The following C1GALT1 variants were observed in gnomAD, a reference collection of about 807,000 sequenced individuals.
The protein encoded by C1GALT1 is glycoprotein-N-acetylgalactosamine 3-beta-galactosyltransferase 1.
Under a neutral mutation model 31.0 loss-of-function variants are expected in C1GALT1, and 11 were observed. That is an observed-to-expected ratio of 0.36 (90% CI 0.22 to 0.59). The LOEUF (loss-of-function observed/expected upper bound fraction) is 0.59. Ranked by LOEUF, C1GALT1 falls within the 20% of genes least tolerant of loss-of-function variation. The pLI is 0.79. For missense variants in C1GALT1, 424 were observed against 425.2 expected (o/e 1.00, Z 0.03); for synonymous variants, 175 against 143.6 (o/e 1.22, Z -1.56).
chr7:7,224,077 A>G (rs947798005), intron 1 of C1GALT1, among the ~76,000 whole-genome samples: 3 of 152,164 alleles, frequency 2.0e-5, no homozygotes, highest in African/African-American at 4.8e-5. Context: ...TAAATGTTGA[A>G]CCATCCTTAC....
At chr7:7,180,725 T>A (rs1451381620), upstream of C1GALT1, among the ~76,000 whole-genome samples, 1 of 152,222 alleles carries the variant, frequency 6.6e-6, no homozygotes, top group East Asian at 1.9e-4. Context: ...GTATTGTTTT[T>A]ATAAAACAAT....
intron 2 of C1GALT1, among the ~76,000 whole-genome samples, chr7:7,161,354 A>C (rs930916337): frequency 3.2e-4 from 48 of 152,158 alleles, no homozygotes; most frequent in African/African-American, 1.1e-3. Context: ...CCTTGGATGA[A>C]AATCACTAAC....
chr7:7,243,827 C>T lies in C1GALT1; in HGVS notation c.*100C>T, dbSNP rs1227228166. On this transcript the variant is annotated 3_prime_UTR_variant, in exon 4 of 4. Coordinates refer to ENST00000436587, the MANE Select transcript of C1GALT1 (RefSeq NM_020156.5). The stretch of plus-strand genomic sequence containing the variant: ...AACACTGGAATCCCAGTGAGGAATT[C>T]TAAGTGAACATTCCTTATAGAAACC... 2.6e-5 allele frequency: 22 copies of T among 837,354 alleles called. No homozygotes were observed. The highest frequency in any genetic ancestry group is 3.8e-5 in the Non-Finnish European group (21 of 549,826). The allele number at this position is 837,354 out of a possible 1,614,324, so 51.9% of individuals were successfully genotyped here. A position where few individuals can be genotyped will look rare whatever the true frequency, so the allele number is the denominator to read the frequency against.
At chr7:7,194,588 G>A (rs1781207795) in intron 1 of C1GALT1, among the ~76,000 whole-genome samples, 1 of 151,858 alleles carries the variant, frequency 6.6e-6, no homozygotes, top group African/African-American at 2.4e-5. Context: ...ATTTTGTTGA[G>A]GATTTTTGCA....
intron 1 of C1GALT1, among the ~76,000 whole-genome samples, chr7:7,229,043 A>T (rs970218945): frequency 7.8e-6 from 1 of 128,388 alleles, no homozygotes; most frequent in Non-Finnish European, 1.6e-5. Context: ...TTAACTTCAG[A>T]TATCCATATG....
At chr7:7,237,283 G>A (rs1329006460) in intron 2 of C1GALT1, among the ~76,000 whole-genome samples, 1 of 152,134 alleles carries the variant, frequency 6.6e-6, no homozygotes, top group South Asian at 2.1e-4. Flanking sequence ...CCTCTGTACC[G>A]GTGCTACTCA....
intron 1 of C1GALT1, among the ~76,000 whole-genome samples, chr7:7,186,258 T>C (rs1408664579): frequency 6.6e-6 from 1 of 152,210 alleles, no homozygotes; most frequent in Non-Finnish European, 1.5e-5. Flanking sequence ...CAGCTCTCAA[T>C]ACTGCCACAG....
At chr7:7,222,231 C>A (rs935737037) in intron 1 of C1GALT1, among the ~76,000 whole-genome samples, 1 of 152,150 alleles carries the variant, frequency 6.6e-6, no homozygotes, top group South Asian at 2.1e-4. Flanking sequence ...CTATGCTGTT[C>A]TTTGGGTTCT....
At chr7:7,236,746 G>A (rs933473651) in intron 2 of C1GALT1, among the ~76,000 whole-genome samples, 2 of 151,818 alleles carry the variant, frequency 1.3e-5, no homozygotes, top group South Asian at 2.1e-4. Flanking sequence ...GGCTGGTCTC[G>A]AACTCCTGAC....
In C1GALT1 at chr7:7,238,569, T is replaced by C. The variant is rs1251689872; in HGVS notation, c.535T>C (p.Leu179=). Residue 179 remains leucine (L), a synonymous_variant, in exon 3 of 4, where the codon TTG becomes CTG. Transcript: ENST00000436587. The surrounding 1 kb of genome is among the most constrained non-coding windows in gnomAD (Gnocchi z 5.2). ...TGACACGTATGTCATACTAGACAAT[T>C]TGAGGTGGCTTCTTTCAAAATACGA... ...DDDTYVILDN[L]RWLLSKYDPE... 6.2e-7 allele frequency: 1 copy of C among 1,614,122 alleles called. No individual in the cohort carries two copies. Among genetic ancestry groups the C allele is most frequent in the East Asian group, 2.2e-5 (1 of 44,880 alleles).
intron 2 of C1GALT1, among the ~76,000 whole-genome samples, chr7:7,172,728 C>G (rs926619026): frequency 6.6e-6 from 1 of 152,172 alleles, no homozygotes; most frequent in Non-Finnish European, 1.5e-5. Context: ...CTTACTCTCA[C>G]ACAAATACAG....
At chr7:7,170,380 A>G (rs906761893) in intron 2 of C1GALT1, among the ~76,000 whole-genome samples, 2 of 151,914 alleles carry the variant, frequency 1.3e-5, no homozygotes, top group African/African-American at 4.8e-5. Context: ...GCCATTGGTT[A>G]TCTTTTGTCT....
rs1386718987 is a variant in C1GALT1 at position 7,188,911 on chromosome 7, G to A, written c.-18+6091G>A. 2.6e-5 allele frequency among the ~76,000 whole-genome samples: 4 copies of A among 152,160 alleles called. No individual in the cohort carries two copies. The East Asian group carries it at 5.8e-4, about 22-fold the overall frequency. On this transcript the variant is annotated intron_variant, in intron 1 of 3. Coordinates refer to ENST00000436587, the MANE Select transcript of C1GALT1 (RefSeq NM_020156.5). ...CTGAACATACATATGTGATGATATA[G>A]GCATTACCCAACGATACGAAAGCAG...
At position 7,221,301 on chromosome 7, in the gene C1GALT1, T is replaced by C. The variant is rs117112587; in HGVS notation, c.-17-13002T>C. On this transcript the variant is annotated intron_variant, in intron 1 of 3. Transcript: ENST00000436587. ...TTCTATTTGAGGTTTTCAATTTTCT[T>C]ACATTTTAATTTTTAGGAGTCTTTT... 2.3e-3 allele frequency among the ~76,000 whole-genome samples: 344 copies of C among 152,312 alleles called. 7 individuals are homozygous for C. The highest frequency in any genetic ancestry group is 0.016 in the Admixed American group (238 of 15,306).
chr7:7,216,946 T>C (rs1261218754), intron 1 of C1GALT1, among the ~76,000 whole-genome samples: 1 of 151,450 alleles, frequency 6.6e-6, no homozygotes, highest in Non-Finnish European at 1.5e-5. Flanking sequence ...ACAGACCTCT[T>C]TTTCCTAAAC....
At chr7:7,168,408 A>T (rs376419695) in intron 2 of C1GALT1, among the ~76,000 whole-genome samples, 20 of 152,310 alleles carry the variant, frequency 1.3e-4, no homozygotes, top group African/African-American at 4.1e-4. Flanking sequence ...AAAGTGAAGG[A>T]AATAAAGGAG....
chr7:7,170,992 A>G (rs1780447385), intron 2 of C1GALT1, among the ~76,000 whole-genome samples: 1 of 152,174 alleles, frequency 6.6e-6, no homozygotes, highest in African/African-American at 2.4e-5. Flanking sequence ...TATGATTTCA[A>G]CTTTTTAAAA....
chr7:7,206,620 T>G (rs6963074), intron 1 of C1GALT1, among the ~76,000 whole-genome samples: 5,873 of 149,832 alleles, frequency 0.039, 265 homozygotes, highest in African/African-American at 0.11. Flanking sequence ...TGGTTGCAGT[T>G]AGCCACGATC....
At position 7,182,648 on chromosome 7, in the gene C1GALT1, C is replaced by T. The variant is rs1780632873; in HGVS notation, c.-190C>T. 1 of 298,330 alleles carries T rather than the reference C, an allele frequency of 3.4e-6. No individual in the cohort carries two copies. Among genetic ancestry groups the T allele is most frequent in the Non-Finnish European group, 5.0e-6 (1 of 201,810 alleles). The allele number at this position is 298,330 out of a possible 1,614,324, so 18.5% of individuals were successfully genotyped here. On this transcript the variant is annotated 5_prime_UTR_variant, in exon 1 of 4. Coordinates refer to ENST00000436587, the MANE Select transcript of C1GALT1 (RefSeq NM_020156.5). ...GGAGCGCGCGCTGGGCCCGCCTTGG[C>T]CGCCGCCGCTGTGCTGCCGCTGCCG...
Sources: gnomAD v4.1 joint callset for allele counts (sites outside exome capture counted in the v4.1 genomes callset) on GRCh38, gnomAD v4.1.1 for gene constraint, Gnocchi (gnomAD v3.1) non-coding constraint, MANE v1.5 for transcripts, NCBI Gene and HGNC (gene_info 2026-07-23, HGNC 2026-07-21) for gene names.